Variants in FGF12 observed in about 807,000 individuals in gnomAD.
FGF12 encodes fibroblast growth factor 12B.
Under a neutral mutation model 23.6 loss-of-function variants are expected in FGF12, and 14 were observed. That is an observed-to-expected ratio of 0.59 (90% CI 0.39 to 0.93). FGF12 has a LOEUF of 0.93. Among genes scored for constraint, FGF12 ranks in the 40% least tolerant of loss-of-function variants. The probability of loss-of-function intolerance (pLI) is 0.00; values close to 1 mark genes in which losing one functional copy is unlikely to be tolerated. For missense variants in FGF12, 175 were observed against 217.8 expected, an observed-to-expected ratio of 0.80 and a Z score of 1.24; for synonymous variants, 62 against 77.3, an observed-to-expected ratio of 0.80 and a Z score of 1.04.
chr3:192,686,756 T>G (rs1717751087), intron 2 of FGF12, among the ~76,000 whole-genome samples: 1 of 151,518 alleles, frequency 6.6e-6, no homozygotes. Context: ...AAACTGCACG[T>G]TCTGCACATG....
intron 4 of FGF12, among the ~76,000 whole-genome samples, chr3:192,298,893 G>A (rs1715191406): frequency 6.6e-6 from 1 of 152,206 alleles, no homozygotes; most frequent in Non-Finnish European, 1.5e-5. Context: ...CACATGGTGA[G>A]AGAGGGAGCA....
rs1560175695 is a variant in FGF12, at chr3:192,167,762, TA to T, written c.427+2695del. On this transcript the variant is annotated intron_variant, in intron 5 of 5. Transcript: ENST00000445105. ...ATATATATATATATATATATATATA[TA>T]TATATAAAATTTTTTTTTTTTTTTT... Among the ~76,000 whole-genome samples, 57 of 38,162 alleles carry T rather than the reference TA, an allele frequency of 1.5e-3. 5 individuals are homozygous for T. Among genetic ancestry groups the T allele is most frequent in the South Asian group, 6.9e-3 (5 of 728 alleles). 25.0% of individuals were successfully genotyped at this position (38,162 alleles called of 152,430 possible). A position where few individuals can be genotyped will look rare whatever the true frequency, so the allele number is the denominator to read the frequency against.
chr3:192,286,090 G>T (rs28408344), intron 4 of FGF12, among the ~76,000 whole-genome samples: 1 of 151,778 alleles, frequency 6.6e-6, no homozygotes, highest in African/African-American at 2.4e-5. Context: ...TTCCAATAAG[G>T]AGGTGATAAC....
chr3:192,345,239 G>C lies in FGF12; in HGVS notation c.125-9775C>G, dbSNP rs181509747. The stretch of plus-strand genomic sequence containing the variant: ...TAGTTAAAGTCTAAAATAGATAAAA[G>C]TAACCACATGTGTAATATGTATCCA... On this transcript the variant is annotated intron_variant, in intron 3 of 5. Transcript: ENST00000445105. Among the ~76,000 whole-genome samples, 256 of 152,262 alleles carry C rather than the reference G, an allele frequency of 1.7e-3. 1 individual carries two copies. Among genetic ancestry groups the C allele is most frequent in the Middle Eastern group, 6.8e-3 (2 of 294 alleles).
chr3:192,370,421 CA>C (rs1719176889), intron 2 of FGF12, among the ~76,000 whole-genome samples: 1 of 152,124 alleles, frequency 6.6e-6, no homozygotes, highest in South Asian at 2.1e-4. Context: ...TGCACACCCG[CA>C]GTCCTAGCTG....
At chr3:192,673,991 A>C (rs191767153) in intron 2 of FGF12, among the ~76,000 whole-genome samples, 2 of 151,042 alleles carry the variant, frequency 1.3e-5, no homozygotes, top group South Asian at 4.2e-4. Context: ...CAAATCATCT[A>C]ATTCTTGACT....
intron 4 of FGF12, among the ~76,000 whole-genome samples, chr3:192,196,115 G>C (rs1197665519): frequency 6.6e-6 from 1 of 152,004 alleles, no homozygotes; most frequent in African/African-American, 2.4e-5. Flanking sequence ...TGTGGTATTT[G>C]TTTTTCTGTG....
chr3:192,401,472 TC>T (rs1329385132), intron 2 of FGF12, among the ~76,000 whole-genome samples: 1 of 152,208 alleles, frequency 6.6e-6, no homozygotes, highest in Non-Finnish European at 1.5e-5. Context: ...GTTTTGACCT[TC>T]TGGATCCACT....
chr3:192,381,934 T>C (rs1441599937), intron 2 of FGF12, among the ~76,000 whole-genome samples: 1 of 151,928 alleles, frequency 6.6e-6, no homozygotes, highest in Non-Finnish European at 1.5e-5. Context: ...TGGGAAATTC[T>C]GAATGGAAAA....
At chr3:192,564,042 T>A (rs1284343734) in intron 2 of FGF12, among the ~76,000 whole-genome samples, 1 of 151,712 alleles carries the variant, frequency 6.6e-6, no homozygotes, top group African/African-American at 2.4e-5. Context: ...TTTTTGTTTT[T>A]TTTTGTTTGT....
chr3:192,221,569 A>G (rs1390746359), intron 4 of FGF12, among the ~76,000 whole-genome samples: 1 of 152,148 alleles, frequency 6.6e-6, no homozygotes, highest in Non-Finnish European at 1.5e-5. Flanking sequence ...AACTGCTTGG[A>G]CCTTTAGAAC....
At chr3:192,231,628 G>C (rs924927074) in intron 4 of FGF12, among the ~76,000 whole-genome samples, 3 of 152,008 alleles carry the variant, frequency 2.0e-5, no homozygotes, top group African/African-American at 7.2e-5. Flanking sequence ...AAATTAGCCA[G>C]GGGTGTTGGT....
intron 5 of FGF12, among the ~76,000 whole-genome samples, chr3:192,146,019 G>T (rs577215332): frequency 6.6e-6 from 1 of 152,156 alleles, no homozygotes; most frequent in Non-Finnish European, 1.5e-5. Context: ...ACAGGGGAAC[G>T]CAAGAAGCAA....
intron 4 of FGF12, among the ~76,000 whole-genome samples, chr3:192,257,733 A>G (rs915312461): frequency 2.0e-5 from 3 of 152,126 alleles, no homozygotes; most frequent in African/African-American, 7.2e-5. Flanking sequence ...ACTTTGCCAG[A>G]AGTCTCCCTT....
At chr3:192,682,206 C>G (rs966838021) in intron 2 of FGF12, among the ~76,000 whole-genome samples, 2 of 152,120 alleles carry the variant, frequency 1.3e-5, no homozygotes, top group Admixed American at 6.5e-5. Flanking sequence ...CATATGGCAG[C>G]CCTGGTACAA....
intron 4 of FGF12, among the ~76,000 whole-genome samples, chr3:192,309,620 A>T (rs958488105): frequency 6.6e-6 from 1 of 152,200 alleles, no homozygotes; most frequent in Non-Finnish European, 1.5e-5. Context: ...TCAACAGGAA[A>T]CACAGTGAGG....
intron 2 of FGF12, among the ~76,000 whole-genome samples, chr3:192,690,766 T>C (rs1390717605): frequency 1.3e-5 from 2 of 151,908 alleles, no homozygotes; most frequent in South Asian, 4.2e-4. Context: ...AGTGGATAAA[T>C]TATTTAAAAA....
intron 2 of FGF12, among the ~76,000 whole-genome samples, chr3:192,714,170 A>T (rs755017736): frequency 3.3e-5 from 5 of 152,194 alleles, no homozygotes; most frequent in Non-Finnish European, 5.9e-5. Flanking sequence ...TCTCCATTAT[A>T]TAGATAAGGA....
At chr3:192,533,676 C>T (rs116408525) in intron 2 of FGF12, among the ~76,000 whole-genome samples, 4,696 of 152,150 alleles carry the variant, frequency 0.031, 234 homozygotes, top group African/African-American at 0.11. Context: ...TTTCCTTAGC[C>T]AAAACTGTCC....
Sources: allele counts gnomAD v4.1 joint callset (sites outside exome capture counted in the v4.1 genomes callset), GRCh38; gene constraint gnomAD v4.1.1; transcripts MANE v1.5; gene names NCBI Gene and HGNC (gene_info 2026-07-23, HGNC 2026-07-21).